The following ABCC5 variants were observed in gnomAD, a reference collection of about 807,000 sequenced individuals.
ABCC5 encodes the protein ATP binding cassette subfamily C member 5.
A neutral mutation model predicts 160.9 loss-of-function variants in ABCC5; 61 were observed. The ratio of observed to expected loss-of-function variants is 0.38; its 90% CI spans 0.31 to 0.47. The LOEUF is 0.47. Among genes scored for constraint, ABCC5 ranks in the 20% least tolerant of loss-of-function variants. The pLI, the probability that ABCC5 is intolerant of heterozygous loss-of-function variation, is 0.99. For missense variants in ABCC5, 1,308 were observed against 1,813.3 expected, an observed-to-expected ratio of 0.72 and a Z score of 5.06; for synonymous variants, 666 against 700.6, an observed-to-expected ratio of 0.95 and a Z score of 0.78.
chr3:183,952,542 C>T (rs780334324), intron 18 of ABCC5, among the ~76,000 whole-genome samples: 10 of 152,150 alleles, frequency 6.6e-5, no homozygotes, highest in South Asian at 2.1e-4. Context: ...GGAAGGGACC[C>T]GGTGGGAGGT....
At chr3:184,009,867 G>A in intron 2 of ABCC5, 1 of 302,628 alleles carries the variant, frequency 3.3e-6, no homozygotes, top group Non-Finnish European at 6.8e-6. Flanking sequence ...AAAGTTTAGG[G>A]GCAGGGTGTG....
rs143879781 is a variant in ABCC5 at position 183,962,165 on chromosome 3, C to T, written c.2236-511G>A. ...TAAATTGAAAATATCAGAGCTTAGC[C>T]TAGCCTACCTTAAACATGCTCAGAA... On this transcript the variant is annotated intron_variant, in intron 15 of 29. Transcript: ENST00000334444. Among the ~76,000 whole-genome samples, 415 of 152,328 alleles carry T rather than the reference C, an allele frequency of 2.7e-3. 4 individuals carry two copies. The highest frequency in any genetic ancestry group is 9.2e-3 in the African/African-American group (381 of 41,574).
intron 2 of ABCC5, among the ~76,000 whole-genome samples, chr3:183,991,969 AC>A (rs964484952): frequency 2.0e-5 from 3 of 152,210 alleles, no homozygotes; most frequent in African/African-American, 7.2e-5. Flanking sequence ...TGTTACAGGG[AC>A]CAGCCTTATT....
At position 183,921,503 on chromosome 3, in the gene ABCC5, T is replaced by C. The variant is rs1711969986; in HGVS notation, c.4213-102A>G. The C allele has an allele frequency of 1.9e-6, 2 of 1,058,334 alleles. No homozygotes were observed. The highest frequency in any genetic ancestry group is 1.3e-6 in the Non-Finnish European group (1 of 760,928). The allele number at this position is 1,058,334 out of a possible 1,614,324, so 65.6% of individuals were successfully genotyped here. On this transcript the variant is annotated intron_variant, in intron 29 of 29. Coordinates refer to ENST00000334444, the MANE Select transcript of ABCC5 (RefSeq NM_005688.4). The surrounding 1 kb of genome is among the most constrained non-coding windows in gnomAD (Gnocchi z 4.1). The stretch of plus-strand genomic sequence containing the variant: ...GTGCCAGTGCCCTCTGAGGGTAGAA[T>C]CTGGGGACAATTCAACTAGCCCTGC...
chr3:183,937,766 T>C, intron 26 of ABCC5, 135 bp downstream of exon 26: 1 of 956,950 alleles, frequency 1.0e-6, no homozygotes, highest in South Asian at 1.7e-5. Context: ...AGCAAGCACA[T>C]GGTGCAGTGG....
At chr3:183,975,444 C>T (rs769769864) in intron 10 of ABCC5, among the ~76,000 whole-genome samples, 3 of 151,862 alleles carry the variant, frequency 2.0e-5, no homozygotes, top group Non-Finnish European at 2.9e-5. Context: ...CAGGTTCAAG[C>T]GATTCTCCTG....
chr3:183,967,610 G>A (rs1717344129), intron 12 of ABCC5, 85 bp downstream of exon 12: 1 of 1,200,970 alleles, frequency 8.3e-7, no homozygotes, highest in South Asian at 1.2e-5. Flanking sequence ...CACCTTTCCT[G>A]ACTCTCCAGG....
At chr3:183,947,561 C>T (rs375298180) in intron 22 of ABCC5, 51 bp from the exon 23 acceptor site, 614 of 1,431,888 alleles carry the variant, frequency 4.3e-4, no homozygotes, top group Middle Eastern at 2.9e-3. Flanking sequence ...CACAACCCCG[C>T]GCATGGACAA....
intron 2 of ABCC5, among the ~76,000 whole-genome samples, chr3:183,994,532 C>G (rs919586705): frequency 6.6e-6 from 1 of 152,098 alleles, no homozygotes; most frequent in African/African-American, 2.4e-5. Flanking sequence ...CCCACCACCA[C>G]GCCTGGCTAA....
chr3:183,924,436 T>A (rs900073899), intron 29 of ABCC5, among the ~76,000 whole-genome samples: 2 of 152,296 alleles, frequency 1.3e-5, no homozygotes, highest in Non-Finnish European at 2.9e-5. Context: ...AGAGATTATA[T>A]GTAAAGCACT....
rs1326583648 is a variant in ABCC5, at chr3:183,968,124, T to TTTA, written c.1762-361_1762-359dup. Among the ~76,000 whole-genome samples, 46 of 148,294 alleles carry TTTA rather than the reference T, an allele frequency of 3.1e-4. No individual in the cohort carries two copies. The South Asian group carries it at 3.5e-3, about 11-fold the overall frequency. On this transcript the variant is annotated intron_variant, in intron 11 of 29. Coordinates refer to ENST00000334444, the MANE Select transcript of ABCC5 (RefSeq NM_005688.4). The stretch of plus-strand genomic sequence containing the variant: ...ACAGGGTAGGGCTTTTAAAAATCAT[T>TTTA]TTATTATTATTATTATTATTTTGAG...
In ABCC5 at chr3:183,945,935, G is replaced by A. The variant is rs547166914; in HGVS notation, c.3419C>T (p.Thr1140Met). The A allele has an allele frequency of 5.7e-5, 92 of 1,613,738 alleles. No individual in the cohort carries two copies. Among genetic ancestry groups the A allele is most frequent in the East Asian group, 1.3e-4 (6 of 44,868 alleles). Residue 1140 changes from threonine (T) to methionine (M), a missense_variant, in exon 24 of 30, where the codon ACG becomes ATG. By Grantham distance (81) the Thr-to-Met change is moderately conservative. This residue lies in a region of ABCC5 where 1,142 missense variants were observed against 1,527.1 expected (regional missense o/e 0.75). Transcript: ENST00000334444. ...GLAISYAVQL[T>M]GLFQFTVRLA... ...TCTGACCGTAAACTGGAACAGCCCCGTTAACTGATAATGGAAAACAACAAT... is the reference window on the plus strand; with the variant it reads ...TCTGACCGTAAACTGGAACAGCCCCATTAACTGATAATGGAAAACAACAAT...
rs183557734 is a variant in ABCC5 at position 183,935,394 on chromosome 3, C to G, written c.3854+2507G>C. Among the ~76,000 whole-genome samples the G allele has an allele frequency of 1.8e-3, 273 of 151,530 alleles. 2 individuals carry two copies. Among genetic ancestry groups the G allele is most frequent in the Non-Finnish European group, 1.3e-3 (91 of 67,868 alleles). ...ACGGGGTTTCAGCATATTGGCCAGG[C>G]TGGTCTGGTACTCCTGACCTCGTGA... On this transcript the variant is annotated intron_variant, in intron 26 of 29. Coordinates refer to ENST00000334444, the MANE Select transcript of ABCC5 (RefSeq NM_005688.4).
At chr3:184,013,072 T>G (rs1033134252) in intron 2 of ABCC5, among the ~76,000 whole-genome samples, 1 of 152,218 alleles carries the variant, frequency 6.6e-6, no homozygotes, top group South Asian at 2.1e-4. Context: ...ATGCTTTTTT[T>G]CCTCAGGAAA....
rs778263830 is a variant in ABCC5, at chr3:183,985,247, T to C, written c.592-2240A>G. The C allele has an allele frequency of 7.8e-4, 1,100 of 1,415,494 alleles. 7 individuals are homozygous for C. The highest frequency in any genetic ancestry group is 1.8e-4 in the Middle Eastern group (1 of 5,654). The allele number at this position is 1,415,494 out of a possible 1,614,324, so 87.7% of individuals were successfully genotyped here. ...AACAAACTGGAAGAAAACTTGAGAC[T>C]GTTAGCATAGCTGTCTGGCTGTGGA... is the stretch of plus-strand genomic sequence containing the variant. On this transcript the variant is annotated intron_variant, in intron 5 of 29. Coordinates refer to ENST00000334444, the MANE Select transcript of ABCC5 (RefSeq NM_005688.4).
At chr3:183,983,044 A>C in intron 5 of ABCC5, 37 bp from the exon 6 acceptor site, 51 of 1,522,748 alleles carry the variant, frequency 3.3e-5, no homozygotes, top group Non-Finnish European at 4.3e-5. Context: ...CAACATCTCC[A>C]CGGCACTCAC....
chr3:183,927,082 C>A (rs773275343), intron 28 of ABCC5, among the ~76,000 whole-genome samples: 2 of 152,030 alleles, frequency 1.3e-5, no homozygotes, highest in Non-Finnish European at 2.9e-5. Context: ...GGTTTGCAGT[C>A]GTACAACTAC....
chr3:183,926,149 T>G (rs1712534385), intron 28 of ABCC5, among the ~76,000 whole-genome samples: 1 of 150,590 alleles, frequency 6.6e-6, no homozygotes, highest in African/African-American at 2.4e-5. Flanking sequence ...ATTGTTTTTT[T>G]TTTTTTTTTC....
intron 17 of ABCC5, among the ~76,000 whole-genome samples, chr3:183,953,583 G>A (rs971172388): frequency 7.9e-5 from 12 of 152,152 alleles, no homozygotes; most frequent in Admixed American, 1.3e-4. Context: ...AGTGAAATGT[G>A]CTCAATGTGA....
Sources: allele counts gnomAD v4.1 joint callset (sites outside exome capture counted in the v4.1 genomes callset), GRCh38; gene constraint gnomAD v4.1.1; regional missense constraint gnomAD v4.1.1; non-coding constraint Gnocchi (gnomAD v3.1); transcripts MANE v1.5; gene names NCBI Gene and HGNC (gene_info 2026-07-23, HGNC 2026-07-21).